Variants in PFKFB4 observed in about 807,000 individuals in gnomAD.
The protein encoded by PFKFB4 is 6-phosphofructo-2-kinase/fructose-2,6-biphosphatase 4.
A neutral mutation model predicts 62.8 loss-of-function variants in PFKFB4; 42 were observed. The ratio of observed to expected loss-of-function variants is 0.67; its 90% confidence interval spans 0.52 to 0.86. The LOEUF (loss-of-function observed/expected upper bound fraction) is 0.86. PFKFB4 is among the 40% of genes least tolerant of loss of function. The pLI, the probability that PFKFB4 is intolerant of heterozygous loss-of-function variation, is 0.00. For synonymous variants in PFKFB4, 204 were observed against 240.7 expected, an observed-to-expected ratio of 0.85 and a Z score of 1.41; for missense variants, 475 against 627.2, an observed-to-expected ratio of 0.76 and a Z score of 2.59.
chr3:48,544,319 G>GA (rs1191846614), intron 3 of PFKFB4, among the ~76,000 whole-genome samples: 31 of 152,098 alleles, frequency 2.0e-4, no homozygotes, highest in Non-Finnish European at 4.0e-4. Context: ...TTTCCTGAAA[G>GA]AGAGTTCCCC....
rs2041981430 is a variant in PFKFB4 at position 48,518,351 on chromosome 3, T to C, written c.*1396A>G. On this transcript the variant is annotated 3_prime_UTR_variant, in exon 14 of 14. Transcript: ENST00000232375. The stretch of plus-strand genomic sequence containing the variant: ...GCAAAGCCCTGGGAGGCTGGAAAGA[T>C]GTGCTACCCTCCAGGCACAGGCCAG... 6.6e-6 allele frequency: 1 copy of C among 152,338 alleles called. No individual in the cohort carries two copies. Among genetic ancestry groups the C allele is most frequent in the African/African-American group, 2.4e-5 (1 of 41,470 alleles). 9.4% of individuals were successfully genotyped at this position (152,338 alleles called of 1,614,324 possible). A position where few individuals can be genotyped will look rare whatever the true frequency, so the allele number is the denominator to read the frequency against.
rs765978584 is a variant in PFKFB4, at chr3:48,543,664, C to T, written c.312-18G>A. 3.7e-6 allele frequency: 6 copies of T among 1,605,152 alleles called. No homozygotes were observed. The African/African-American group carries it at 8.0e-5, about 21-fold the overall frequency. ...CACACTGCCTTCAGGAGAGAAAACA[C>T]AGGGTCAGCCCAGCACCCGACCCTG... On this transcript the variant is annotated intron_variant, in intron 3 of 13. Transcript: ENST00000232375.
intron 10 of PFKFB4, 104 bp from the exon 11 acceptor site, chr3:48,523,934 T>G (rs2042176631): frequency 7.7e-7 from 1 of 1,304,124 alleles, no homozygotes; most frequent in African/African-American, 1.5e-5. Context: ...TACTCACCAT[T>G]CTGGGAAGCT....
In PFKFB4 at chr3:48,523,608, A is replaced by G. The variant is rs781745746; in HGVS notation, c.1223-9T>C. On this transcript the variant is annotated splice_polypyrimidine_tract_variant and intron_variant, in intron 11 of 13. Coordinates refer to ENST00000232375, the MANE Select transcript of PFKFB4 (RefSeq NM_004567.4). ...GAGGTAGGGCAGCTGTTCTGTAGACACAGAGGGGGATGGCTAGCACACCAG... is the reference window on the plus strand; with the variant it reads ...GAGGTAGGGCAGCTGTTCTGTAGACGCAGAGGGGGATGGCTAGCACACCAG... 2 of 1,614,090 alleles carry G rather than the reference A, an allele frequency of 1.2e-6. No individual in the cohort carries two copies. Among genetic ancestry groups the G allele is most frequent in the Non-Finnish European group, 1.7e-6 (2 of 1,179,990 alleles).
At position 48,523,804 on chromosome 3, in the gene PFKFB4, C is replaced by T. The variant is rs140270888; in HGVS notation, c.1119G>A (p.Leu373=). The T allele has an allele frequency of 7.4e-6, 12 of 1,614,072 alleles. No homozygotes were observed. The African/African-American group carries it at 1.6e-4, about 22-fold the overall frequency. The change falls in exon 11 of 14, where the codon CTG becomes CTA. Residue 373 remains leucine (L), a synonymous_variant. Coordinates refer to ENST00000232375, the MANE Select transcript of PFKFB4 (RefSeq NM_004567.4). The stretch of plus-strand genomic sequence containing the variant: ...TCTCCAGCTCCATGATGACAGGCTC[C>T]AGTCTCTGGACCAGGTCCTCGTAGG... ...GESYEDLVQR[L]EPVIMELERQ...
At chr3:48,559,077 G>A (rs1462557003), upstream of PFKFB4, among the ~76,000 whole-genome samples, 2 of 152,206 alleles carry the variant, frequency 1.3e-5, no homozygotes, top group Non-Finnish European at 2.9e-5. Context: ...AGGGCTGGGG[G>A]TAGAGGACAG....
intron 4 of PFKFB4, among the ~76,000 whole-genome samples, chr3:48,540,951 A>G (rs895106348): frequency 1.3e-5 from 2 of 149,714 alleles, no homozygotes; most frequent in Non-Finnish European, 3.0e-5. Flanking sequence ...TAATTTTTGT[A>G]TTTTTAGTAG....
chr3:48,522,847 G>T (rs941324869), intron 12 of PFKFB4, among the ~76,000 whole-genome samples: 5 of 150,894 alleles, frequency 3.3e-5, no homozygotes. Flanking sequence ...TGCAAGTTCC[G>T]CCTCCCGGGT....
intron 1 of PFKFB4, among the ~76,000 whole-genome samples, chr3:48,552,712 C>A (rs535717078): frequency 6.6e-6 from 1 of 152,362 alleles, no homozygotes; most frequent in African/African-American, 2.4e-5. Context: ...CACCCCCCAA[C>A]TGCTCCTTCA....
At chr3:48,552,319 G>T (rs747973641) in intron 1 of PFKFB4, among the ~76,000 whole-genome samples, 4 of 152,240 alleles carry the variant, frequency 2.6e-5, no homozygotes, top group Admixed American at 1.3e-4. Flanking sequence ...GCATGGAGGC[G>T]GTGGCCTGGC....
chr3:48,548,177 T>C (rs565827336), intron 3 of PFKFB4: 15 of 152,284 alleles, frequency 9.9e-5, no homozygotes, highest in African/African-American at 3.6e-4. Flanking sequence ...TGGCAGACTC[T>C]CCCCACAAAC....
chr3:48,562,779 C>G (rs977440961), upstream of PFKFB4: 1 of 1,540,026 alleles, frequency 6.5e-7, no homozygotes, highest in Admixed American at 2.0e-5. This position sits in a 1 kb window ranked among gnomAD's most constrained non-coding sequence, Gnocchi z 4.3. Flanking sequence ...GACCCCCTCT[C>G]TCAGGCTCAG....
rs1286008510 is a variant in PFKFB4 at position 48,525,574 on chromosome 3, A to T, written c.1083T>A (p.Pro361=). Residue 361 remains proline, a synonymous_variant, in exon 10 of 14, where the codon CCT becomes CCA. Coordinates refer to ENST00000232375, the MANE Select transcript of PFKFB4 (RefSeq NM_004567.4). ...RDQDKYRYRY[P]KGESYEDLVQ... is the part of the protein sequence containing the mutation. ...CCCAAATCCCACCTACCTCCCCTTT[A>T]GGGTACCGGTACCGGTACTTGTCCT... The T allele has an allele frequency of 6.4e-7, 1 of 1,563,196 alleles. No individual in the cohort carries two copies. Among genetic ancestry groups the T allele is most frequent in the Non-Finnish European group, 8.7e-7 (1 of 1,144,550 alleles).
upstream of PFKFB4, among the ~76,000 whole-genome samples, chr3:48,558,301 C>A (rs1159590188): frequency 6.6e-6 from 1 of 152,128 alleles, no homozygotes; most frequent in African/African-American, 2.4e-5. Flanking sequence ...TCTGCCCCAG[C>A]CCCCACCAAC....
intron 7 of PFKFB4, among the ~76,000 whole-genome samples, chr3:48,537,515 CCTT>C (rs2042661223): frequency 7.1e-6 from 1 of 141,488 alleles, no homozygotes; most frequent in African/African-American, 2.7e-5. Flanking sequence ...TCATGTGCAT[CCTT>C]TTTTTTTTTT....
intron 7 of PFKFB4, among the ~76,000 whole-genome samples, chr3:48,537,516 C>CTTTTTTTTT (rs34454675): frequency 2.2e-5 from 2 of 91,374 alleles, no homozygotes; most frequent in African/African-American, 5.1e-5. Flanking sequence ...CATGTGCATC[C>CTTTTTTTTT]TTTTTTTTTT....
intron 9 of PFKFB4, among the ~76,000 whole-genome samples, chr3:48,529,162 C>T (rs1223265780): frequency 2.0e-5 from 3 of 152,148 alleles, no homozygotes; most frequent in Middle Eastern, 6.8e-3. Flanking sequence ...CTCAGCCCCC[C>T]GAGTAGCTGG....
At chr3:48,547,534 A>G (rs2043002926) in intron 3 of PFKFB4, among the ~76,000 whole-genome samples, 1 of 152,070 alleles carries the variant, frequency 6.6e-6, no homozygotes, top group African/African-American at 2.4e-5. Context: ...GAGCACAGAG[A>G]CGCAATCTTG....
At chr3:48,549,841 C>A (rs773166111) in intron 3 of PFKFB4, 23 bp downstream of exon 3, 1 of 1,452,700 alleles carries the variant, frequency 6.9e-7, no homozygotes, top group Non-Finnish European at 9.7e-7. Flanking sequence ...ACCTCTCCCC[C>A]CACACCCAAC....
Sources: allele counts gnomAD v4.1 joint callset (sites outside exome capture counted in the v4.1 genomes callset), GRCh38; gene constraint gnomAD v4.1.1; non-coding constraint Gnocchi (gnomAD v3.1); transcripts MANE v1.5; gene names NCBI Gene and HGNC (gene_info 2026-07-23, HGNC 2026-07-21).